Variants in MALRD1 observed in about 807,000 individuals in gnomAD.
MALRD1 encodes MAM and LDL receptor class A domain containing 1, also known as MAM and LDL-receptor class A domain-containing protein 1.
MALRD1 carries 247 observed loss-of-function variants against 242.1 expected under a neutral mutation model. The observed-to-expected ratio is 1.02, with a 90% CI of 0.92 to 1.13. MALRD1 has a LOEUF of 1.13. Among genes scored for constraint, MALRD1 ranks in the 50% most tolerant of loss-of-function variants. MALRD1 has a pLI of 0.00. For synonymous variants in MALRD1, 995 were observed against 866.6 expected (o/e 1.15, Z -2.60); for missense variants, 2,989 against 2,533.1 (o/e 1.18, Z -3.86).
At chr10:19,554,220 A>G (rs1321154475) in intron 32 of MALRD1, among the ~76,000 whole-genome samples, 2 of 152,120 alleles carry the variant, frequency 1.3e-5, no homozygotes, top group Non-Finnish European at 2.9e-5. Flanking sequence ...ACAGTTCTGT[A>G]GGTTCTACAG....
chr10:19,083,175 G>A (rs754485223), intron 2 of MALRD1, among the ~76,000 whole-genome samples: 19 of 151,990 alleles, frequency 1.3e-4, no homozygotes, highest in Non-Finnish European at 2.4e-4. Context: ...CAAACTTTCA[G>A]ACAAAAGCAG....
chr10:19,718,177 A>C (rs1834500156), intron 38 of MALRD1, among the ~76,000 whole-genome samples: 1 of 151,814 alleles, frequency 6.6e-6, no homozygotes, highest in Non-Finnish European at 1.5e-5. Flanking sequence ...GAAGAGGAAG[A>C]AAGGAAAAAG....
At chr10:19,607,967 A>G in intron 35 of MALRD1, 65 bp downstream of exon 35, 1 of 1,517,484 alleles carries the variant, frequency 6.6e-7, no homozygotes, top group Non-Finnish European at 8.9e-7. Flanking sequence ...AACACAATGA[A>G]AATATTAAAA....
At chr10:19,452,335 G>A (rs887454665) in intron 29 of MALRD1, among the ~76,000 whole-genome samples, 5 of 152,074 alleles carry the variant, frequency 3.3e-5, no homozygotes, top group Admixed American at 6.6e-5. Context: ...GAGAGTTTAC[G>A]TGATTACAAT....
chr10:19,154,544 G>A (rs1441002181), intron 11 of MALRD1, among the ~76,000 whole-genome samples: 12 of 152,114 alleles, frequency 7.9e-5, no homozygotes, highest in Admixed American at 5.2e-4. Flanking sequence ...TTTGCCATGA[G>A]CACATCCGTC....
At chr10:19,324,669 T>A (rs1248919317) in intron 22 of MALRD1, among the ~76,000 whole-genome samples, 1 of 151,666 alleles carries the variant, frequency 6.6e-6, no homozygotes, top group African/African-American at 2.4e-5. Flanking sequence ...CAGTATAGGA[T>A]AATATATTAT....
At chr10:19,232,790 T>C (rs569619884) in intron 18 of MALRD1, among the ~76,000 whole-genome samples, 16 of 152,228 alleles carry the variant, frequency 1.1e-4, no homozygotes, top group African/African-American at 3.6e-4. Flanking sequence ...GTGGTGACAA[T>C]GCTCAACAGA....
At chr10:19,261,446 T>TAAAA (rs531115191) in intron 19 of MALRD1, among the ~76,000 whole-genome samples, 1,488 of 134,982 alleles carry the variant, frequency 0.011, 28 homozygotes, top group African/African-American at 0.038. Flanking sequence ...GAGCTCTACG[T>TAAAA]AAAAAAAAAA....
intron 22 of MALRD1, among the ~76,000 whole-genome samples, chr10:19,325,771 G>T (rs1312885683): frequency 6.6e-6 from 1 of 152,020 alleles, no homozygotes; most frequent in Non-Finnish European, 1.5e-5. Flanking sequence ...CTATTAGCTT[G>T]CCAAGAAATC....
chr10:19,278,384 A>G (rs931337173), intron 19 of MALRD1, among the ~76,000 whole-genome samples: 2 of 152,060 alleles, frequency 1.3e-5, no homozygotes, highest in East Asian at 1.9e-4. Context: ...CTTTCAATAC[A>G]CTGTGAAATC....
intron 28 of MALRD1, among the ~76,000 whole-genome samples, chr10:19,431,654 C>A (rs2496100): frequency 0.62 from 93,428 of 151,520 alleles, 28,965 homozygotes; most frequent in Middle Eastern, 0.7. Context: ...TTGGTACAAG[C>A]ATCTTGGCTT....
intron 14 of MALRD1, among the ~76,000 whole-genome samples, chr10:19,176,801 C>T (rs1035479293): frequency 7.3e-5 from 11 of 150,326 alleles, no homozygotes; most frequent in Non-Finnish European, 1.3e-4. Context: ...TGCATGTGTG[C>T]GCGTGTCTGC....
At chr10:19,467,119 C>T (rs1231766651) in intron 29 of MALRD1, among the ~76,000 whole-genome samples, 1 of 151,900 alleles carries the variant, frequency 6.6e-6, no homozygotes, top group Non-Finnish European at 1.5e-5. Context: ...CTTTGGGAGG[C>T]TGAGGCAGGT....
chr10:19,428,804 T>C (rs1378065269), intron 28 of MALRD1, among the ~76,000 whole-genome samples: 4 of 152,220 alleles, frequency 2.6e-5, no homozygotes, highest in African/African-American at 9.6e-5. Context: ...AAGATGAAAT[T>C]AGCTGTAGAC....
chr10:19,159,204 C>T (rs1322971514), intron 12 of MALRD1, among the ~76,000 whole-genome samples: 1 of 152,124 alleles, frequency 6.6e-6, no homozygotes, highest in Non-Finnish European at 1.5e-5. Context: ...ATAAAAATCA[C>T]TATGGTAATG....
chr10:19,311,607 A>T (rs1238560102), intron 21 of MALRD1, among the ~76,000 whole-genome samples: 1 of 151,490 alleles, frequency 6.6e-6, no homozygotes, highest in East Asian at 1.9e-4. Context: ...TAAAATTCTA[A>T]AATATGTAAA....
chr10:19,297,076 A>G (rs978769482), intron 21 of MALRD1, among the ~76,000 whole-genome samples: 7 of 150,316 alleles, frequency 4.7e-5, no homozygotes, highest in African/African-American at 1.7e-4. Flanking sequence ...TTCTCTTGGT[A>G]TTATCTTTAT....
intron 33 of MALRD1, among the ~76,000 whole-genome samples, chr10:19,575,476 C>G (rs1836765301): frequency 7.9e-6 from 1 of 126,142 alleles, no homozygotes; most frequent in Non-Finnish European, 1.7e-5. Flanking sequence ...AAAGTAAAGG[C>G]CATGGTTCAC....
intron 19 of MALRD1, among the ~76,000 whole-genome samples, chr10:19,270,630 G>A (rs1465522424): frequency 1.3e-5 from 2 of 151,994 alleles, no homozygotes; most frequent in Non-Finnish European, 2.9e-5. Context: ...GGAGAGGAGA[G>A]CCAGAAGTGA....
Sources: allele counts gnomAD v4.1 joint callset (sites outside exome capture counted in the v4.1 genomes callset), GRCh38; gene constraint gnomAD v4.1.1; transcripts MANE v1.5; gene names NCBI Gene and HGNC (gene_info 2026-07-23, HGNC 2026-07-21).